Variants in UNC5D observed in about 807,000 individuals in gnomAD.
The protein encoded by UNC5D is netrin receptor UNC5D.
Under a neutral mutation model 105.4 loss-of-function variants are expected in UNC5D, and 39 were observed. The ratio of observed to expected loss-of-function variants is 0.37; its 90% CI spans 0.29 to 0.48. The LOEUF is 0.48. Among genes scored for constraint, UNC5D ranks in the 20% least tolerant of loss-of-function variants. The pLI, the probability that UNC5D is intolerant of heterozygous loss-of-function variation, is 0.98. For synonymous variants in UNC5D, 452 were observed against 450.4 expected (o/e 1.00, Z -0.04); for missense variants, 991 against 1,202.4 (o/e 0.82, Z 2.60).
chr8:35,709,960 T>C (rs1827839293), intron 8 of UNC5D, among the ~76,000 whole-genome samples: 2 of 152,134 alleles, frequency 1.3e-5, no homozygotes, highest in Non-Finnish European at 2.9e-5. Flanking sequence ...TGTTATAGTT[T>C]GAGTTTGTTA....
At chr8:35,358,349 G>T (rs573096645) in intron 1 of UNC5D, among the ~76,000 whole-genome samples, 1 of 152,236 alleles carries the variant, frequency 6.6e-6, no homozygotes, top group Non-Finnish European at 1.5e-5. Context: ...CCTTTGCAGG[G>T]ACATGGATGA....
At chr8:35,560,893 C>T (rs972379896) in intron 2 of UNC5D, among the ~76,000 whole-genome samples, 9 of 152,194 alleles carry the variant, frequency 5.9e-5, no homozygotes, top group Non-Finnish European at 1.2e-4. Flanking sequence ...CAGCATTTTC[C>T]TCCCAACTGT....
intron 1 of UNC5D, among the ~76,000 whole-genome samples, chr8:35,248,174 A>C (rs1563247319): frequency 2.3e-5 from 1 of 43,548 alleles, no homozygotes; most frequent in Non-Finnish European, 3.6e-5. Context: ...ATATTATATA[A>C]TATATATAAT....
chr8:35,413,254 G>A (rs1315626432), intron 1 of UNC5D, among the ~76,000 whole-genome samples: 1 of 82,576 alleles, frequency 1.2e-5, no homozygotes, highest in Admixed American at 1.4e-4. Flanking sequence ...GGTGGGGGCG[G>A]GTCTGTGTGT....
intron 1 of UNC5D, among the ~76,000 whole-genome samples, chr8:35,454,932 G>A (rs1808385928): frequency 6.6e-6 from 1 of 152,122 alleles, no homozygotes; most frequent in Admixed American, 6.6e-5. Flanking sequence ...TCATTTAGAA[G>A]TCAAATGAAA....
chr8:35,327,252 C>A (rs1810237878), intron 1 of UNC5D, among the ~76,000 whole-genome samples: 1 of 152,156 alleles, frequency 6.6e-6, no homozygotes, highest in Non-Finnish European at 1.5e-5. Flanking sequence ...CACTCGCTTG[C>A]AACTATGTAA....
At chr8:35,711,764 G>A (rs888876608) in intron 8 of UNC5D, among the ~76,000 whole-genome samples, 1 of 152,086 alleles carries the variant, frequency 6.6e-6, no homozygotes, top group Non-Finnish European at 1.5e-5. Flanking sequence ...AGTTGCCTCC[G>A]TATCAAACTA....
chr8:35,370,491 A>T (rs1047947270), intron 1 of UNC5D, among the ~76,000 whole-genome samples: 2 of 152,218 alleles, frequency 1.3e-5, no homozygotes, highest in African/African-American at 4.8e-5. Flanking sequence ...TTAAGTATTT[A>T]AAATTAAAAC....
intron 1 of UNC5D, among the ~76,000 whole-genome samples, chr8:35,351,702 C>T (rs898464620): frequency 3.3e-5 from 5 of 152,046 alleles, no homozygotes; most frequent in African/African-American, 1.2e-4. Flanking sequence ...CCTTAGGGAT[C>T]GTCATTAGGC....
At chr8:35,471,026 T>C (rs1419547231) in intron 1 of UNC5D, among the ~76,000 whole-genome samples, 1 of 152,064 alleles carries the variant, frequency 6.6e-6, no homozygotes, top group Non-Finnish European at 1.5e-5. Flanking sequence ...ACACAGCAAG[T>C]TATTAGAGAT....
intron 2 of UNC5D, among the ~76,000 whole-genome samples, chr8:35,567,190 A>G (rs1042590490): frequency 1.3e-5 from 2 of 151,790 alleles, no homozygotes; most frequent in South Asian, 2.1e-4. Flanking sequence ...TCCTCATACC[A>G]TTGCTATGGG....
chr8:35,649,789 C>T (rs1162927216), intron 4 of UNC5D, among the ~76,000 whole-genome samples: 1 of 152,132 alleles, frequency 6.6e-6, no homozygotes, highest in Non-Finnish European at 1.5e-5. Context: ...TAGAAAGTAC[C>T]TGACCAGTGC....
intron 13 of UNC5D, among the ~76,000 whole-genome samples, chr8:35,753,136 A>AAAAC (rs1377992642): frequency 6.6e-6 from 1 of 152,238 alleles, no homozygotes; most frequent in African/African-American, 2.4e-5. Context: ...GGACGTCATG[A>AAAAC]AAACACCATA....
At chr8:35,584,434 A>G (rs1818654392) in intron 3 of UNC5D, among the ~76,000 whole-genome samples, 1 of 151,930 alleles carries the variant, frequency 6.6e-6, no homozygotes, top group African/African-American at 2.4e-5. Flanking sequence ...TGTTTTATAG[A>G]GACAGAATCT....
In UNC5D at chr8:35,435,811, G is replaced by T. The variant is rs112544133; in HGVS notation, c.104-113481G>T. Among the ~76,000 whole-genome samples, 18 of 152,094 alleles carry T rather than the reference G, an allele frequency of 1.2e-4. 1 individual carries two copies. The highest frequency in any genetic ancestry group is 3.9e-4 in the East Asian group (2 of 5,160). On this transcript the variant is annotated intron_variant, in intron 1 of 16. Transcript: ENST00000404895. Reference sequence around the variant, plus strand: ...AATAGTGTTCAAAGTTTCCTCTAAAGGTAGCTGTCAAAGGCAGTCAACCTC... The same window carrying T: ...AATAGTGTTCAAAGTTTCCTCTAAATGTAGCTGTCAAAGGCAGTCAACCTC...
chr8:35,564,051 G>A (rs543404156), intron 2 of UNC5D, among the ~76,000 whole-genome samples: 7 of 152,010 alleles, frequency 4.6e-5, no homozygotes, highest in Non-Finnish European at 1.0e-4. Flanking sequence ...CAACTATATT[G>A]ACATGTAGTT....
At chr8:35,444,383 C>T (rs1269230680) in intron 1 of UNC5D, among the ~76,000 whole-genome samples, 1 of 152,050 alleles carries the variant, frequency 6.6e-6, no homozygotes. Context: ...AAGTAATCAG[C>T]CTATTGCAGA....
intron 4 of UNC5D, among the ~76,000 whole-genome samples, chr8:35,637,485 A>G (rs1429096633): frequency 6.6e-6 from 1 of 152,210 alleles, no homozygotes; most frequent in Non-Finnish European, 1.5e-5. Flanking sequence ...AGAGAAAGCC[A>G]GTCATAATGA....
At chr8:35,719,652 C>A (rs2131525517) in intron 8 of UNC5D, among the ~76,000 whole-genome samples, 1 of 152,312 alleles carries the variant, frequency 6.6e-6, no homozygotes, top group South Asian at 2.1e-4. Flanking sequence ...TTCATCCATG[C>A]ATCCTCATTG....
Sources: gnomAD v4.1 joint callset for allele counts (sites outside exome capture counted in the v4.1 genomes callset) on GRCh38, gnomAD v4.1.1 for gene constraint, MANE v1.5 for transcripts, NCBI Gene and HGNC (gene_info 2026-07-23, HGNC 2026-07-21) for gene names.